Variants in ZFHX3 observed in about 807,000 individuals in gnomAD.
ZFHX3 encodes the protein zinc finger homeobox protein 3.
In ZFHX3, 42 loss-of-function variants were observed where a neutral mutation model predicts 279.1. The ratio of observed to expected loss-of-function variants is 0.15; its 90% CI spans 0.12 to 0.19. ZFHX3 has a LOEUF of 0.19. ZFHX3 is among the 10% of genes least tolerant of loss of function. The pLI is 1.00. For synonymous variants in ZFHX3, 2,293 were observed against 1,957.8 expected (o/e 1.17, Z -4.52); for missense variants, 4,981 against 4,754.0 (o/e 1.05, Z -1.40).
chr16:72,809,549 G>A, intron 7 of ZFHX3: 1 of 152,210 alleles, frequency 6.6e-6, no homozygotes, highest in East Asian at 1.9e-4. Context: ...AAAGATCTCT[G>A]AAAGGCAACT....
rs776870485 is a variant in ZFHX3 at position 73,150,077 on chromosome 16, T to G, written c.-1103-6246A>C. Among the ~76,000 whole-genome samples the G allele has an allele frequency of 2.7e-4, 41 of 152,126 alleles. 1 individual carries two copies. Among genetic ancestry groups the G allele is most frequent in the Non-Finnish European group, 4.6e-4 (31 of 68,036 alleles). ...ATTTCTTGTACCAAGCAGACGGAGC[T>G]TTTGGGGGAGTTACATTTTCCACCA... On this transcript the variant is annotated intron_variant, in intron 5 of 17. Coordinates refer to the ZFHX3 transcript ENST00000641206.
intron 3 of ZFHX3, among the ~76,000 whole-genome samples, chr16:73,349,642 C>CTCCCTCTCTCCCTCCT (rs1485179086): frequency 1.1e-4 from 4 of 35,520 alleles, no homozygotes; most frequent in Admixed American, 2.4e-4. Context: ...CCCTCCCTCC[C>CTCCCTCTCTCCCTCCT]TCCCTCTCTC....
chr16:73,227,444 C>T (rs969962401), intron 5 of ZFHX3, among the ~76,000 whole-genome samples: 1 of 152,084 alleles, frequency 6.6e-6, no homozygotes, highest in Non-Finnish European at 1.5e-5. Context: ...CTTCAATTAC[C>T]ACCTTTTTCT....
chr16:73,659,949 G>A (rs1420547489), intron 2 of ZFHX3, among the ~76,000 whole-genome samples: 1 of 152,114 alleles, frequency 6.6e-6, no homozygotes, highest in Non-Finnish European at 1.5e-5. Flanking sequence ...CTGTAATTAC[G>A]GAAGGTGTAT....
chr16:73,777,304 C>G (rs1418941717), intron 1 of ZFHX3, among the ~76,000 whole-genome samples: 1 of 151,934 alleles, frequency 6.6e-6, no homozygotes, highest in East Asian at 1.9e-4. Context: ...GAGTTCAAGA[C>G]CAGCCCAGCT....
At chr16:73,707,213 T>C (rs1282573319) in intron 1 of ZFHX3, among the ~76,000 whole-genome samples, 2 of 152,110 alleles carry the variant, frequency 1.3e-5, no homozygotes, top group East Asian at 3.9e-4. Flanking sequence ...CTGAAACCAC[T>C]CTCCAGCCAG....
chr16:73,477,201 A>C lies in ZFHX3; in HGVS notation c.-1546-20943T>G, dbSNP rs79094553. Among the ~76,000 whole-genome samples, 1,405 of 152,336 alleles carry C rather than the reference A, an allele frequency of 9.2e-3. 31 individuals carry two copies. The highest frequency in any genetic ancestry group is 0.033 in the African/African-American group (1,356 of 41,576). ...TCTATAGGAAAGTCTTCTTAAAATAACTACCGATTTTTAAAATTAAATGCT... is the reference window on the plus strand; with the variant it reads ...TCTATAGGAAAGTCTTCTTAAAATACCTACCGATTTTTAAAATTAAATGCT... On this transcript the variant is annotated intron_variant, in intron 2 of 17. Coordinates refer to the ZFHX3 transcript ENST00000641206.
At chr16:73,279,202 A>G (rs2014394617) in intron 4 of ZFHX3, among the ~76,000 whole-genome samples, 1 of 152,134 alleles carries the variant, frequency 6.6e-6, no homozygotes, top group African/African-American at 2.4e-5. Context: ...GGATCCCATC[A>G]AAGGTATTGG....
At chr16:73,597,686 G>T (rs1195113261) in intron 2 of ZFHX3, among the ~76,000 whole-genome samples, 3 of 152,198 alleles carry the variant, frequency 2.0e-5, no homozygotes, top group Non-Finnish European at 4.4e-5. Context: ...GCCACCAAGA[G>T]CTAGGGGACA....
At chr16:73,054,127 T>G (rs189685109) in intron 1 of ZFHX3, among the ~76,000 whole-genome samples, 462 of 152,308 alleles carry the variant, frequency 3.0e-3, no homozygotes, top group Non-Finnish European at 4.6e-3. Flanking sequence ...CTGCTGATCC[T>G]TAATATTTAT....
intron 9 of ZFHX3, among the ~76,000 whole-genome samples, chr16:72,792,218 T>C (rs1242058431): frequency 6.6e-6 from 1 of 151,872 alleles, no homozygotes; most frequent in Non-Finnish European, 1.5e-5. Context: ...GAGCAACAAA[T>C]ATGTATGATT....
chr16:73,654,248 A>AT (rs1381211796), intron 2 of ZFHX3, among the ~76,000 whole-genome samples: 1 of 152,048 alleles, frequency 6.6e-6, no homozygotes, highest in Non-Finnish European at 1.5e-5. Context: ...ACATTTAAGT[A>AT]TTTAAGTACG....
chr16:73,728,015 G>GC (rs3049673), intron 1 of ZFHX3, among the ~76,000 whole-genome samples: 5,810 of 75,344 alleles, frequency 0.077, 370 homozygotes, highest in South Asian at 0.11. Context: ...GCCGAATTGT[G>GC]CCCCCCCCCC....
At chr16:73,322,571 T>A (rs766982387) in intron 3 of ZFHX3, among the ~76,000 whole-genome samples, 3 of 152,168 alleles carry the variant, frequency 2.0e-5, no homozygotes, top group African/African-American at 4.8e-5. Context: ...CGGTTTCCAA[T>A]CTTCCCCAAT....
intron 8 of ZFHX3, among the ~76,000 whole-genome samples, chr16:73,070,736 T>C (rs1263716034): frequency 6.6e-6 from 1 of 151,568 alleles, no homozygotes; most frequent in Non-Finnish European, 1.5e-5. Flanking sequence ...CTCTCGCACA[T>C]GTGAGCCTCC....
intron 3 of ZFHX3, among the ~76,000 whole-genome samples, chr16:73,320,012 A>G (rs1311097350): frequency 1.3e-5 from 2 of 152,190 alleles, no homozygotes; most frequent in Admixed American, 6.5e-5. Context: ...GCGAGTCTTT[A>G]TCTCCAGAGA....
intron 5 of ZFHX3, among the ~76,000 whole-genome samples, chr16:73,251,691 A>ACACAAACATG (rs2013493147): frequency 6.7e-6 from 1 of 149,068 alleles, no homozygotes; most frequent in African/African-American, 2.4e-5. Context: ...TACACACCAC[A>ACACAAACATG]CACACACATG....
intron 1 of ZFHX3, among the ~76,000 whole-genome samples, chr16:73,732,775 A>G (rs1264208531): frequency 6.6e-6 from 1 of 152,204 alleles, no homozygotes; most frequent in Non-Finnish European, 1.5e-5. Flanking sequence ...GCACTCACTG[A>G]TAAAATATGC....
At chr16:73,245,752 A>G (rs1357855818) in intron 5 of ZFHX3, among the ~76,000 whole-genome samples, 2 of 152,128 alleles carry the variant, frequency 1.3e-5, no homozygotes, top group Non-Finnish European at 2.9e-5. Context: ...GTACTGATCT[A>G]GGTGTTCTTG....
Sources: allele counts gnomAD v4.1 joint callset (sites outside exome capture counted in the v4.1 genomes callset), GRCh38; gene constraint gnomAD v4.1.1; transcripts MANE v1.5; gene names NCBI Gene and HGNC (gene_info 2026-07-23, HGNC 2026-07-21).